CCSER1: variants seen among roughly 807,000 people sequenced by gnomAD.
The protein encoded by CCSER1 is serine-rich coiled-coil domain-containing protein 1.
A neutral mutation model predicts 82.0 loss-of-function variants in CCSER1; 41 were observed. That is an observed-to-expected ratio of 0.50 (90% CI 0.39 to 0.65). The LOEUF is 0.65. Among genes scored for constraint, CCSER1 ranks in the 30% least tolerant of loss-of-function variants. CCSER1 has a pLI of 0.00. For missense variants in CCSER1, 1,119 were observed against 1,064.2 expected, an observed-to-expected ratio of 1.05 and a Z score of -0.72; for synonymous variants, 414 against 383.9, an observed-to-expected ratio of 1.08 and a Z score of -0.92.
At chr4:91,089,703 T>C (rs1723752369) in intron 10 of CCSER1, among the ~76,000 whole-genome samples, 1 of 152,188 alleles carries the variant, frequency 6.6e-6, no homozygotes, top group African/African-American at 2.4e-5. Context: ...CCTATTACTA[T>C]TATAACTCCT....
rs202041173 is a variant in CCSER1 at position 91,236,499 on chromosome 4, G to GA, written c.2217+150514dup. 2.8e-3 allele frequency among the ~76,000 whole-genome samples: 426 copies of GA among 150,724 alleles called. 4 individuals carry two copies. The highest frequency in any genetic ancestry group is 9.2e-3 in the African/African-American group (380 of 41,134). The stretch of plus-strand genomic sequence containing the variant: ...CTCCGTCTCAGAAACAAAACAAAAA[G>GA]AAAAAAAAATTGGTAACTTTGTGGG... On this transcript the variant is annotated intron_variant, in intron 10 of 10. Transcript: ENST00000509176.
At chr4:90,200,496 A>T (rs895581456) in intron 1 of CCSER1, among the ~76,000 whole-genome samples, 2 of 152,162 alleles carry the variant, frequency 1.3e-5, no homozygotes, top group South Asian at 4.2e-4. Flanking sequence ...CATACAAAAA[A>T]ACCCAGCAAA....
intron 10 of CCSER1, among the ~76,000 whole-genome samples, chr4:91,470,636 G>A (rs917281567): frequency 6.6e-6 from 1 of 152,034 alleles, no homozygotes; most frequent in Non-Finnish European, 1.5e-5. Context: ...TATTCTGATA[G>A]AATAGTAGTG....
At chr4:90,413,787 C>CAA (rs546585733) in intron 4 of CCSER1, among the ~76,000 whole-genome samples, 51 of 138,568 alleles carry the variant, frequency 3.7e-4, no homozygotes, top group African/African-American at 7.1e-4. Flanking sequence ...ACTAAAAATA[C>CAA]AAAAAAAAAA....
At chr4:90,943,962 T>C (rs1405412072) in intron 9 of CCSER1, among the ~76,000 whole-genome samples, 6 of 151,118 alleles carry the variant, frequency 4.0e-5, no homozygotes, top group African/African-American at 1.5e-4. Context: ...AGGCCGGCGT[T>C]GTGGCTCACG....
intron 10 of CCSER1, among the ~76,000 whole-genome samples, chr4:91,379,595 G>C (rs370305023): frequency 2.0e-5 from 3 of 152,122 alleles, no homozygotes; most frequent in Non-Finnish European, 4.4e-5. Flanking sequence ...GATTGGTGGT[G>C]ATATCCCCTT....
At chr4:90,967,227 C>G (rs944612407) in intron 9 of CCSER1, among the ~76,000 whole-genome samples, 9 of 151,838 alleles carry the variant, frequency 5.9e-5, no homozygotes, top group Non-Finnish European at 1.2e-4. Context: ...GTGGGAAGAT[C>G]AGCTGAGGTG....
chr4:91,496,586 A>T (rs1758826073), intron 10 of CCSER1, among the ~76,000 whole-genome samples: 1 of 33,032 alleles, frequency 3.0e-5, no homozygotes, highest in Admixed American at 3.2e-4. Flanking sequence ...ATATATATAT[A>T]CACGAATATA....
chr4:90,624,906 A>C (rs371298996), intron 5 of CCSER1, among the ~76,000 whole-genome samples: 15 of 152,296 alleles, frequency 9.8e-5, no homozygotes, highest in African/African-American at 3.6e-4. Flanking sequence ...ACTGTATATA[A>C]ATGTGTTCAG....
intron 10 of CCSER1, among the ~76,000 whole-genome samples, chr4:91,396,089 A>T (rs191412523): frequency 6.6e-6 from 1 of 152,116 alleles, no homozygotes; most frequent in Non-Finnish European, 1.5e-5. Context: ...TGAAATAAAC[A>T]TAAGTTATTT....
intron 10 of CCSER1, among the ~76,000 whole-genome samples, chr4:91,157,075 G>C (rs60882174): frequency 2.0e-5 from 3 of 151,840 alleles, no homozygotes; most frequent in African/African-American, 7.3e-5. Flanking sequence ...CTGTGCTAGA[G>C]TCTTGTGCAG....
chr4:90,872,968 T>C (rs2150038508), intron 8 of CCSER1, among the ~76,000 whole-genome samples: 1 of 152,128 alleles, frequency 6.6e-6, no homozygotes, highest in Middle Eastern at 3.4e-3. Flanking sequence ...GTATGTTACT[T>C]GTTTCTTTTC....
chr4:90,393,424 A>G (rs1296805078), intron 3 of CCSER1, among the ~76,000 whole-genome samples: 4 of 152,186 alleles, frequency 2.6e-5, no homozygotes, highest in African/African-American at 9.7e-5. Context: ...ACCTGATCGT[A>G]AGGTAGAATG....
At chr4:91,192,476 TCCA>T (rs1161104570) in intron 10 of CCSER1, among the ~76,000 whole-genome samples, 3 of 152,196 alleles carry the variant, frequency 2.0e-5, no homozygotes, top group Non-Finnish European at 4.4e-5. Flanking sequence ...CCCTACCTGC[TCCA>T]CCTAGGAAAT....
intron 10 of CCSER1, among the ~76,000 whole-genome samples, chr4:91,530,138 A>G (rs1476521792): frequency 6.6e-6 from 1 of 152,094 alleles, no homozygotes; most frequent in African/African-American, 2.4e-5. Flanking sequence ...CTCAACGGTA[A>G]TGAAGAAGGA....
chr4:91,256,137 T>C (rs1258027381), intron 10 of CCSER1, among the ~76,000 whole-genome samples: 1 of 152,052 alleles, frequency 6.6e-6, no homozygotes, highest in African/African-American at 2.4e-5. Context: ...CATTCCTGGT[T>C]GGGTGGGGGG....
At chr4:90,886,663 C>G (rs185364362) in intron 8 of CCSER1, among the ~76,000 whole-genome samples, 1 of 152,102 alleles carries the variant, frequency 6.6e-6, no homozygotes, top group Non-Finnish European at 1.5e-5. Flanking sequence ...CAGAACAGTA[C>G]TATTTGTGAT....
intron 8 of CCSER1, among the ~76,000 whole-genome samples, chr4:90,892,010 C>A (rs1394549319): frequency 6.6e-6 from 1 of 152,032 alleles, no homozygotes; most frequent in African/African-American, 2.4e-5. Context: ...AATTCTCTTC[C>A]CCACCTTCTT....
intron 4 of CCSER1, among the ~76,000 whole-genome samples, chr4:90,422,287 C>A (rs181621708): frequency 2.0e-5 from 3 of 152,138 alleles, no homozygotes; most frequent in South Asian, 2.1e-4. Context: ...AATTCAACAA[C>A]GGAATAAATT....
Sources: gnomAD v4.1 joint callset for allele counts (sites outside exome capture counted in the v4.1 genomes callset) on GRCh38, gnomAD v4.1.1 for gene constraint, MANE v1.5 for transcripts, NCBI Gene and HGNC (gene_info 2026-07-23, HGNC 2026-07-21) for gene names.